The following CDK5RAP2 variants were observed in gnomAD, a reference collection of about 807,000 sequenced individuals.
CDK5RAP2 encodes the protein CDK5 regulatory subunit-associated protein 2.
Under a neutral mutation model 232.9 loss-of-function variants are expected in CDK5RAP2, and 147 were observed. The observed-to-expected ratio is 0.63, with a 90% confidence interval of 0.55 to 0.72. The LOEUF is 0.72. Among genes scored for constraint, CDK5RAP2 ranks in the 30% least tolerant of loss-of-function variants. The probability of loss-of-function intolerance (pLI) is 0.00; values close to 1 mark genes in which losing one functional copy is unlikely to be tolerated. For missense variants in CDK5RAP2, 2,195 were observed against 2,231.5 expected (o/e 0.98, Z 0.33); for synonymous variants, 833 against 833.7 (o/e 1.00, Z 0.01).
intron 12 of CDK5RAP2, among the ~76,000 whole-genome samples, chr9:120,513,783 A>G (rs1258452434): frequency 6.6e-6 from 1 of 152,168 alleles, no homozygotes; most frequent in African/African-American, 2.4e-5. Context: ...TTTTGCCAGG[A>G]CAGAAACAGA....
intron 14 of CDK5RAP2, 32 bp from the exon 15 acceptor site, chr9:120,477,482 G>T: frequency 6.7e-7 from 1 of 1,501,830 alleles, no homozygotes. Context: ...TGACATTAAG[G>T]AAAGAATTTT....
At chr9:120,406,922 TG>T in intron 32 of CDK5RAP2, 89 bp downstream of exon 32, 1 of 981,540 alleles carries the variant, frequency 1.0e-6, no homozygotes, top group Non-Finnish European at 1.6e-6. Context: ...GACACCTCTG[TG>T]GGGCAAAGGC....
chr9:120,519,129 G>A (rs1264556221), intron 11 of CDK5RAP2, among the ~76,000 whole-genome samples: 2 of 150,762 alleles, frequency 1.3e-5, no homozygotes, highest in Non-Finnish European at 2.9e-5. Context: ...AGCCGAGATC[G>A]TACCACTGCA....
At chr9:120,400,717 C>G (rs752195245) in intron 35 of CDK5RAP2, 25 bp downstream of exon 35, 1 of 1,612,662 alleles carries the variant, frequency 6.2e-7, no homozygotes, top group Non-Finnish European at 8.5e-7. Flanking sequence ...ATCCTTGAGC[C>G]TCTGAAACAT....
At chr9:120,416,208 C>G (rs1488856464) in intron 27 of CDK5RAP2, among the ~76,000 whole-genome samples, 1 of 152,182 alleles carries the variant, frequency 6.6e-6, no homozygotes, top group African/African-American at 2.4e-5. Flanking sequence ...CAGGTTGAGG[C>G]TCAGTCCCAA....
rs1269838541 is a variant in CDK5RAP2 at position 120,496,849 on chromosome 9, G to A, written c.1312-5372C>T. 3.7e-4 allele frequency among the ~76,000 whole-genome samples: 51 copies of A among 139,666 alleles called. 2 individuals carry two copies. Among genetic ancestry groups the A allele is most frequent in the Non-Finnish European group, 1.2e-4 (8 of 66,342 alleles). 91.6% of individuals were successfully genotyped at this position (139,666 alleles called of 152,430 possible). A position where few individuals can be genotyped will look rare whatever the true frequency, so the allele number is the denominator to read the frequency against. On this transcript the variant is annotated intron_variant, in intron 12 of 37. Transcript: ENST00000349780. ...CGGGAGGTGAGGGGCGCCTCTGCCC[G>A]GCCGCCCCTACTGGGAGGTGGGGAG...
chr9:120,401,439 C>A (rs1464682525), intron 34 of CDK5RAP2, among the ~76,000 whole-genome samples: 1 of 151,480 alleles, frequency 6.6e-6, no homozygotes, highest in Non-Finnish European at 1.5e-5. Flanking sequence ...AGTGAGACCC[C>A]CATCTCTACA....
At position 120,548,546 on chromosome 9, in the gene CDK5RAP2, C is replaced by T. The variant is rs143074871; in HGVS notation, c.306+2246G>A. Among the ~76,000 whole-genome samples, 361 of 152,310 alleles carry T rather than the reference C, an allele frequency of 2.4e-3. 2 individuals carry two copies. The highest frequency in any genetic ancestry group is 8.1e-3 in the African/African-American group (337 of 41,578). On this transcript the variant is annotated intron_variant, in intron 4 of 37. Coordinates refer to ENST00000349780, the MANE Select transcript of CDK5RAP2 (RefSeq NM_018249.6). ...GGCATCTTAGTGCAATGGCTCACAC[C>T]TGTAAGTCCCAACACTTTGGGAAGC...
chr9:120,487,239 C>A, intron 14 of CDK5RAP2, 55 bp downstream of exon 14: 2 of 1,596,392 alleles, frequency 1.3e-6, no homozygotes, highest in East Asian at 2.2e-5. Context: ...AAATATGTTT[C>A]AAAAAAGTGT....
At chr9:120,471,224 CA>C (rs2037685431) in intron 16 of CDK5RAP2, among the ~76,000 whole-genome samples, 1 of 152,172 alleles carries the variant, frequency 6.6e-6, no homozygotes, top group Non-Finnish European at 1.5e-5. Context: ...TAAGTTCTAC[CA>C]GGGGAGAGGG....
chr9:120,422,744 G>A lies in CDK5RAP2; in HGVS notation c.3956-3C>T. 1 of 1,610,960 alleles carries A rather than the reference G, an allele frequency of 6.2e-7. No homozygotes were observed. Among genetic ancestry groups the A allele is most frequent in the Non-Finnish European group, 8.5e-7 (1 of 1,177,248 alleles). ...CATTTCCACTCCAACTGATTTTCCTGGAAGCAGAAATAACATCAAGAAAGG... is the reference window on the plus strand; with the variant it reads ...CATTTCCACTCCAACTGATTTTCCTAGAAGCAGAAATAACATCAAGAAAGG... On this transcript the variant is annotated splice_polypyrimidine_tract_variant and splice_region_variant and intron_variant, in intron 25 of 37. Transcript: ENST00000349780.
rs368224865 is a variant in CDK5RAP2 at position 120,419,874 on chromosome 9, G to A, written c.4091C>T (p.Thr1364Ile). The stretch of plus-strand genomic sequence containing the variant: ...TCGTGAGAAGAAGGACTTTTCAGAT[G>A]TTTCATAATCAGAGAGCGCATGAGA... The part of the protein sequence containing the change: ...SASHALSDYE[T>I]SEKSFFSRDQ... The change falls in exon 27 of 38, where the codon ACA becomes ATA. Residue 1364 changes from threonine to isoleucine, a missense_variant. Physicochemically the swap from Thr to Ile is moderately conservative, Grantham distance 89. Coordinates refer to ENST00000349780, the MANE Select transcript of CDK5RAP2 (RefSeq NM_018249.6). The A allele has an allele frequency of 1.9e-5, 31 of 1,613,448 alleles. No individual in the cohort carries two copies. Among genetic ancestry groups the A allele is most frequent in the Admixed American group, 6.7e-5 (4 of 60,026 alleles).
At chr9:120,520,849 A>G (rs953377138) in intron 11 of CDK5RAP2, among the ~76,000 whole-genome samples, 7 of 151,678 alleles carry the variant, frequency 4.6e-5, no homozygotes, top group African/African-American at 1.7e-4. Flanking sequence ...TATCTCATAT[A>G]TATCTCATAT....
At chr9:120,559,303 C>A (rs565633918) in intron 3 of CDK5RAP2, among the ~76,000 whole-genome samples, 4 of 151,558 alleles carry the variant, frequency 2.6e-5, no homozygotes, top group Non-Finnish European at 4.4e-5. Context: ...CTGGCTAACA[C>A]GATGAAACCC....
chr9:120,424,351 C>A (rs1417755291), intron 25 of CDK5RAP2, among the ~76,000 whole-genome samples: 1 of 152,204 alleles, frequency 6.6e-6, no homozygotes, highest in Non-Finnish European at 1.5e-5. Context: ...GACAGGCCTT[C>A]ATCAGTGGAT....
At chr9:120,399,175 G>C (rs1204469469) in intron 35 of CDK5RAP2, among the ~76,000 whole-genome samples, 1 of 152,192 alleles carries the variant, frequency 6.6e-6, no homozygotes, top group Non-Finnish European at 1.5e-5. Flanking sequence ...TGCAAGTAGG[G>C]AAGAATCAAT....
chr9:120,559,378 G>A (rs1223725632), intron 3 of CDK5RAP2, among the ~76,000 whole-genome samples: 1 of 150,800 alleles, frequency 6.6e-6, no homozygotes, highest in Admixed American at 6.6e-5. Flanking sequence ...TCCTAGCCAA[G>A]CGGGAGGCTG....
At chr9:120,472,175 C>T (rs956217107) in intron 15 of CDK5RAP2, among the ~76,000 whole-genome samples, 1 of 152,196 alleles carries the variant, frequency 6.6e-6, no homozygotes, top group Admixed American at 6.5e-5. Flanking sequence ...GCATTCCTCA[C>T]TTCATAATTC....
chr9:120,562,279 A>T (rs2042488663), intron 3 of CDK5RAP2, among the ~76,000 whole-genome samples: 1 of 152,144 alleles, frequency 6.6e-6, no homozygotes, highest in African/African-American at 2.4e-5. Context: ...GATTGTAAAA[A>T]TTTACACTAC....
Sources: allele counts gnomAD v4.1 joint callset (sites outside exome capture counted in the v4.1 genomes callset), GRCh38; gene constraint gnomAD v4.1.1; transcripts MANE v1.5; gene names NCBI Gene and HGNC (gene_info 2026-07-23, HGNC 2026-07-21).